Variants in MOV10L1 observed in about 807,000 individuals in gnomAD.
The protein encoded by MOV10L1 is Mov10 like RNA helicase 1, also known as RNA helicase Mov10l1.
MOV10L1 carries 110 observed loss-of-function variants against 143.8 expected under a neutral mutation model. The observed-to-expected ratio is 0.76, with a 90% CI of 0.66 to 0.90. The LOEUF (loss-of-function observed/expected upper bound fraction) is 0.90, where lower values mean the gene tolerates loss of function less well. Among genes scored for constraint, MOV10L1 ranks in the 40% least tolerant of loss-of-function variants. MOV10L1 has a pLI of 0.00. For synonymous variants in MOV10L1, 593 were observed against 581.1 expected, an observed-to-expected ratio of 1.02 and a Z score of -0.29; for missense variants, 1,406 against 1,526.8, an observed-to-expected ratio of 0.92 and a Z score of 1.32.
chr22:50,146,867 A>G (rs755580965), intron 19 of MOV10L1: 73 of 571,578 alleles, frequency 1.3e-4, no homozygotes, highest in Non-Finnish European at 2.1e-4. Flanking sequence ...GTGATTGATG[A>G]GACACTTTAC....
chr22:50,153,001 C>T (rs374418061), intron 21 of MOV10L1, 44 bp from the exon 22 acceptor site: 35 of 1,545,818 alleles, frequency 2.3e-5, no homozygotes, highest in African/African-American at 1.6e-4. Context: ...GAAACTGTGC[C>T]GGGTACCACC....
Position 50,142,163 on chromosome 22 carries a change from C to T in MOV10L1, c.2153C>T (p.Pro718Leu). 2 of 1,613,066 alleles carry T rather than the reference C, an allele frequency of 1.2e-6. No individual in the cohort carries two copies. The highest frequency in any genetic ancestry group is 1.7e-6 in the Non-Finnish European group (2 of 1,179,514). Residue 718 changes from proline to leucine, a missense_variant, in exon 16 of 27, where the codon CCC (proline) becomes CTC (leucine). Physicochemically the swap from Pro to Leu is moderately conservative, Grantham distance 98. This residue lies in a region of MOV10L1 where 1,233 missense variants were observed against 1,351.4 expected (regional missense o/e 0.91). Transcript: ENST00000262794. ...GACAAGGACCTGCCGGTGCTGGCAC[C>T]CTTTACTGCAGAGATGAGCGATTGG... The part of the protein sequence containing the change: ...VGDKDLPVLA[P>L]FTAEMSDWVD...
chr22:50,157,234 A>G (rs1007531008), intron 22 of MOV10L1, among the ~76,000 whole-genome samples: 1 of 151,948 alleles, frequency 6.6e-6, no homozygotes, highest in Non-Finnish European at 1.5e-5. Context: ...GTAGTTTTGG[A>G]TATTAACTTC....
At chr22:50,125,654 A>G (rs542057019) in intron 11 of MOV10L1, 85 bp downstream of exon 11, 2 of 1,323,816 alleles carry the variant, frequency 1.5e-6, no homozygotes, top group Admixed American at 2.3e-5. Flanking sequence ...TGGCAATATG[A>G]CAGTCACATT....
intron 26 of MOV10L1, 123 bp downstream of exon 26, chr22:50,161,178 A>G: frequency 9.0e-7 from 1 of 1,105,750 alleles, no homozygotes; most frequent in Non-Finnish European, 1.3e-6. Flanking sequence ...TCTGCCGGCC[A>G]CCGTCCTCAC....
Position 50,099,591 on chromosome 22 carries a change from G to A in MOV10L1, c.431G>A (p.Ser144Asn). The change falls in exon 3 of 27, where the codon AGT becomes AAT. Residue 144 changes from serine to asparagine, a missense_variant. Ser to Asn is a conservative substitution (Grantham distance 46). Transcript: ENST00000262794. ...CAGACCACCTACTTCTCTCTGGAGA[G>A]TGTGTGCGAAGGTATGCTCAGGGGT... ...ISQTTYFSLE[S>N]VCEGFEPCKG... 1.9e-6 allele frequency: 3 copies of A among 1,611,918 alleles called. No homozygotes were observed. Among genetic ancestry groups the A allele is most frequent in the Non-Finnish European group, 2.5e-6 (3 of 1,178,128 alleles).
chr22:50,143,216 T>G lies in MOV10L1; in HGVS notation c.2353T>G (p.Leu785Val). 1 of 1,614,070 alleles carries G rather than the reference T, an allele frequency of 6.2e-7. No homozygotes were observed. The highest frequency in any genetic ancestry group is 1.7e-5 in the Admixed American group (1 of 60,024). ...GACAGTGACAATAATAGAGGCTGTT[T>G]TACAGGTAAGGACAGCGGCGCCGCG... ...GKTVTIIEAV[L>V]QVHFALPDSR... The change falls in exon 17 of 27, where the codon TTA becomes GTA. Residue 785 changes from leucine to valine, a missense_variant. Physicochemically the swap from Leu to Val is conservative, Grantham distance 32 (BLOSUM62 1). This residue lies in a region of MOV10L1 where 1,233 missense variants were observed against 1,351.4 expected (regional missense o/e 0.91). Transcript: ENST00000262794.
intron 13 of MOV10L1, 68 bp downstream of exon 13, chr22:50,128,575 C>CAAAAA: frequency 1.3e-6 from 1 of 745,456 alleles, no homozygotes; most frequent in Non-Finnish European, 2.1e-6. Context: ...GACTGGGTCT[C>CAAAAA]ATTCTGTTGC....
chr22:50,133,486 G>A (rs1221680425), intron 13 of MOV10L1, among the ~76,000 whole-genome samples: 1 of 146,942 alleles, frequency 6.8e-6, no homozygotes, highest in African/African-American at 2.5e-5. Context: ...GAAAGAATGG[G>A]TGTGGGATTT....
intron 19 of MOV10L1, chr22:50,149,273 G>A (rs2063231621): frequency 1.2e-5 from 3 of 258,588 alleles, no homozygotes; most frequent in Admixed American, 5.0e-5. Context: ...GGAGTGAGAC[G>A]CAGGTGGAGA....
At chr22:50,123,196 CA>C (rs71198219) in intron 10 of MOV10L1, among the ~76,000 whole-genome samples, 2,417 of 101,372 alleles carry the variant, frequency 0.024, 31 homozygotes, top group East Asian at 0.047. Flanking sequence ...ACTCATGTCT[CA>C]AAAAAAAAAA....
Position 50,126,223 on chromosome 22 carries a change from C to A in MOV10L1, c.1769C>A (p.Thr590Asn). The A allele has an allele frequency of 6.2e-7, 1 of 1,610,996 alleles. No homozygotes were observed. The highest frequency in any genetic ancestry group is 1.1e-5 in the South Asian group (1 of 90,986). ...LYAGDKLILK[T>N]QEYNGHAIEY... Reference sequence around the variant, plus strand: ...CTAGGTGATAAACTGATTTTAAAAACTCAAGAGTACAATGGACATGCCATC... The same window carrying A: ...CTAGGTGATAAACTGATTTTAAAAAATCAAGAGTACAATGGACATGCCATC... The change falls in exon 12 of 27, where the codon ACT becomes AAT. Residue 590 changes from threonine (T) to asparagine (N), a missense_variant. By Grantham distance (65) the Thr-to-Asn change is moderately conservative. Around this residue, in one of 3 missense-constraint regions of MOV10L1, gnomAD observed 1,233 missense variants for 1,351.4 expected, o/e 0.91. Transcript: ENST00000262794.
intron 11 of MOV10L1, among the ~76,000 whole-genome samples, chr22:50,125,844 G>A (rs2062484948): frequency 6.6e-6 from 1 of 152,054 alleles, no homozygotes; most frequent in Non-Finnish European, 1.5e-5. Flanking sequence ...CTGGAGTGCA[G>A]TGGCGCAATC....
intron 24 of MOV10L1, among the ~76,000 whole-genome samples, chr22:50,160,419 T>TC (rs1569057551): frequency 6.6e-6 from 1 of 151,396 alleles, no homozygotes. Context: ...GCTAATTTTT[T>TC]TTTTTTTGTA....
intron 10 of MOV10L1, among the ~76,000 whole-genome samples, chr22:50,123,865 T>C (rs560825322): frequency 6.6e-6 from 1 of 152,336 alleles, no homozygotes; most frequent in South Asian, 2.1e-4. Context: ...TCTTTCTTCA[T>C]GGTTTAGTCT....
intron 1 of MOV10L1, chr22:50,090,632 G>A (rs979223113): frequency 1.2e-5 from 16 of 1,307,808 alleles, no homozygotes; most frequent in Admixed American, 2.0e-5. Flanking sequence ...TCTAAAGCCC[G>A]GGATGCGCCC....
At chr22:50,124,991 A>G (rs2062455929) in intron 10 of MOV10L1, among the ~76,000 whole-genome samples, 2 of 152,338 alleles carry the variant, frequency 1.3e-5, no homozygotes, top group East Asian at 1.9e-4. Context: ...TTCAGGTAGA[A>G]GGGTAAATCT....
chr22:50,155,016 C>G (rs137939342), intron 22 of MOV10L1, among the ~76,000 whole-genome samples: 5 of 152,222 alleles, frequency 3.3e-5, no homozygotes, highest in African/African-American at 1.2e-4. Flanking sequence ...AGTGATTTCA[C>G]ATGATTTCTT....
intron 13 of MOV10L1, among the ~76,000 whole-genome samples, chr22:50,132,082 T>C (rs911309561): frequency 6.6e-6 from 1 of 152,120 alleles, no homozygotes; most frequent in African/African-American, 2.4e-5. Context: ...CTAATTCCAT[T>C]CATGAGGCCC....
Sources: gnomAD v4.1 joint callset for allele counts (sites outside exome capture counted in the v4.1 genomes callset) on GRCh38, gnomAD v4.1.1 for gene constraint, gnomAD v4.1.1 regional missense constraint, MANE v1.5 for transcripts, NCBI Gene and HGNC (gene_info 2026-07-23, HGNC 2026-07-21) for gene names.